The following FARS2 variants were observed in gnomAD, a reference collection of about 807,000 sequenced individuals.
The protein encoded by FARS2 is phenylalanyl-tRNA synthetase 2, mitochondrial.
In FARS2, 40 loss-of-function variants were observed where a neutral mutation model predicts 46.4. That is an observed-to-expected ratio of 0.86 (90% CI 0.67 to 1.12). FARS2 has a LOEUF of 1.12. Ranked by LOEUF, FARS2 falls within the 50% of genes most tolerant of loss-of-function variation. The pLI is 0.00. For synonymous variants in FARS2, 234 were observed against 214.9 expected (o/e 1.09, Z -0.78); for missense variants, 513 against 567.9 (o/e 0.90, Z 0.98).
intron 4 of FARS2, among the ~76,000 whole-genome samples, chr6:5,495,050 C>A (rs750630809): frequency 6.6e-6 from 1 of 152,152 alleles, no homozygotes; most frequent in Non-Finnish European, 1.5e-5. Flanking sequence ...TTGTGGGTGA[C>A]GAATGTCTGC....
chr6:5,462,532 A>G (rs138014310), intron 4 of FARS2, among the ~76,000 whole-genome samples: 61 of 152,308 alleles, frequency 4.0e-4, no homozygotes, highest in African/African-American at 1.3e-3. Flanking sequence ...GCATTGTGCT[A>G]TATTTTCCAT....
chr6:5,476,616 C>G (rs1401888168), intron 4 of FARS2, among the ~76,000 whole-genome samples: 3 of 152,114 alleles, frequency 2.0e-5, no homozygotes, highest in African/African-American at 7.2e-5. Context: ...TAATGTTGCC[C>G]TTGTATATTT....
chr6:5,298,868 A>AC (rs1768082517), intron 1 of FARS2, among the ~76,000 whole-genome samples: 1 of 148,334 alleles, frequency 6.7e-6, no homozygotes, highest in African/African-American at 2.5e-5. Flanking sequence ...ATCTCAAAAA[A>AC]AAAAAAAAAA....
chr6:5,681,156 A>C lies in FARS2; in HGVS notation c.1217+67836A>C, dbSNP rs149502263. On this transcript the variant is annotated intron_variant, in intron 6 of 6. Coordinates refer to ENST00000274680, the MANE Select transcript of FARS2 (RefSeq NM_006567.5). ...TAAGAGATTTATCTGAGAAAGGTTC[A>C]AAGATGTCTGCATTCTTCTTTATTA... 6.6e-5 allele frequency among the ~76,000 whole-genome samples: 10 copies of C among 152,354 alleles called. No homozygotes were observed. In the East Asian group the frequency reaches 1.9e-3, roughly 29 times the overall value.
intron 6 of FARS2, among the ~76,000 whole-genome samples, chr6:5,691,301 T>C (rs1757697656): frequency 1.3e-5 from 2 of 152,214 alleles, no homozygotes; most frequent in Admixed American, 6.5e-5. Context: ...TGCTCTGTTT[T>C]TTCCCCATCT....
At chr6:5,577,954 A>G (rs1773086324) in intron 5 of FARS2, among the ~76,000 whole-genome samples, 1 of 151,992 alleles carries the variant, frequency 6.6e-6, no homozygotes, top group East Asian at 1.9e-4. Flanking sequence ...GGCACTTGCC[A>G]CCATGCCTGG....
chr6:5,736,625 T>TA (rs1760971272), intron 6 of FARS2, among the ~76,000 whole-genome samples: 1 of 152,160 alleles, frequency 6.6e-6, no homozygotes, highest in Non-Finnish European at 1.5e-5. Flanking sequence ...GATAGTAGTT[T>TA]AAAAACAAGC....
At chr6:5,685,808 C>T (rs541712593) in intron 6 of FARS2, among the ~76,000 whole-genome samples, 4 of 152,106 alleles carry the variant, frequency 2.6e-5, no homozygotes, top group African/African-American at 9.7e-5. Context: ...ATATTGGGCC[C>T]CTTCCTATTC....
chr6:5,605,646 C>T (rs1215884979), intron 5 of FARS2, among the ~76,000 whole-genome samples: 1 of 152,206 alleles, frequency 6.6e-6, no homozygotes, highest in Non-Finnish European at 1.5e-5. Flanking sequence ...ACCCAAATTC[C>T]ATGCCACGTG....
intron 6 of FARS2, among the ~76,000 whole-genome samples, chr6:5,680,143 T>C (rs1260474853): frequency 6.6e-6 from 1 of 152,216 alleles, no homozygotes; most frequent in Non-Finnish European, 1.5e-5. Flanking sequence ...CTGATGCTGT[T>C]AGGGTCTTGA....
intron 6 of FARS2, among the ~76,000 whole-genome samples, chr6:5,743,330 A>G (rs1337237002): frequency 1.3e-5 from 2 of 152,026 alleles, no homozygotes; most frequent in African/African-American, 2.4e-5. Flanking sequence ...CAGCCCTAAC[A>G]CTGGAATCCA....
At chr6:5,393,325 G>A (rs909978758) in intron 2 of FARS2, among the ~76,000 whole-genome samples, 16 of 152,170 alleles carry the variant, frequency 1.1e-4, no homozygotes, top group African/African-American at 3.9e-4. Context: ...AGCAGTGGAG[G>A]GTCTGGGAGT....
At chr6:5,734,239 C>T (rs1422781999) in intron 6 of FARS2, among the ~76,000 whole-genome samples, 1 of 152,194 alleles carries the variant, frequency 6.6e-6, no homozygotes, top group Admixed American at 6.5e-5. Context: ...CCCCGCAGAC[C>T]AGCACTGGGG....
intron 5 of FARS2, among the ~76,000 whole-genome samples, chr6:5,547,045 G>A (rs1480600384): frequency 6.6e-6 from 1 of 151,876 alleles, no homozygotes; most frequent in African/African-American, 2.4e-5. Context: ...TCTGCCTCCT[G>A]GATTCAAGCA....
intron 5 of FARS2, among the ~76,000 whole-genome samples, chr6:5,591,963 T>A (rs1433612004): frequency 6.6e-6 from 1 of 152,242 alleles, no homozygotes; most frequent in East Asian, 1.9e-4. Context: ...TCTATACATA[T>A]TTGTTGAATT....
At chr6:5,346,669 A>G (rs901568532) in intron 1 of FARS2, among the ~76,000 whole-genome samples, 1 of 152,108 alleles carries the variant, frequency 6.6e-6, no homozygotes, top group African/African-American at 2.4e-5. Flanking sequence ...TATAGCCGCC[A>G]CCTCGATTCT....
chr6:5,308,072 G>A (rs984202275), intron 1 of FARS2, among the ~76,000 whole-genome samples: 2 of 152,148 alleles, frequency 1.3e-5, no homozygotes, highest in Non-Finnish European at 2.9e-5. Flanking sequence ...ATGGGCCACG[G>A]ATGTGAGAAT....
At chr6:5,330,360 G>T (rs115608967) in intron 1 of FARS2, among the ~76,000 whole-genome samples, 1,739 of 152,280 alleles carry the variant, frequency 0.011, 30 homozygotes, top group African/African-American at 0.04. Flanking sequence ...ACTTCGCCAT[G>T]TAGGTGTAGC....
chr6:5,448,014 C>G (rs993058440), intron 4 of FARS2, among the ~76,000 whole-genome samples: 3 of 152,228 alleles, frequency 2.0e-5, no homozygotes, highest in Non-Finnish European at 2.9e-5. Flanking sequence ...GCAGGGCCTT[C>G]TAGGCAGATG....
Sources: gnomAD v4.1 joint callset for allele counts (sites outside exome capture counted in the v4.1 genomes callset) on GRCh38, gnomAD v4.1.1 for gene constraint, MANE v1.5 for transcripts, NCBI Gene and HGNC (gene_info 2026-07-23, HGNC 2026-07-21) for gene names.